The following TRANK1 variants were observed in gnomAD, a reference collection of about 807,000 sequenced individuals.
TRANK1 encodes TPR and ankyrin repeat-containing protein 1.
A neutral mutation model predicts 266.0 loss-of-function variants in TRANK1; 198 were observed. The observed-to-expected ratio is 0.74, with a 90% confidence interval of 0.66 to 0.84. The LOEUF is 0.84. TRANK1 is among the 40% of genes least tolerant of loss of function. The pLI is 0.00. For synonymous variants in TRANK1, 1,396 were observed against 1,384.1 expected, an observed-to-expected ratio of 1.01 and a Z score of -0.19; for missense variants, 3,326 against 3,634.6, an observed-to-expected ratio of 0.92 and a Z score of 2.18.
chr3:36,913,350 T>C (rs1475767280), intron 1 of TRANK1, among the ~76,000 whole-genome samples: 1 of 151,820 alleles, frequency 6.6e-6, no homozygotes, highest in Admixed American at 6.6e-5. Flanking sequence ...ATGACCGTCC[T>C]TTTCCTTCTA....
chr3:36,944,093 C>T (rs955324531), intron 1 of TRANK1, among the ~76,000 whole-genome samples: 1 of 152,110 alleles, frequency 6.6e-6, no homozygotes, highest in Admixed American at 6.5e-5. Flanking sequence ...CAACGCGCCT[C>T]CCAGGCAACA....
chr3:36,892,852 CATATATATATATATATATAGAT>C (rs1222130088), intron 6 of TRANK1, 27 bp downstream of exon 6: 2 of 582,060 alleles, frequency 3.4e-6, no homozygotes, highest in South Asian at 1.3e-4. Flanking sequence ...CAAAACAAAA[CATATATATATATATATATAGAT>C]ATATATAGAT....
At position 36,857,214 on chromosome 3, in the gene TRANK1, G is replaced by T; in HGVS notation, c.2508C>A (p.Ile836=). Residue 836 remains isoleucine, a synonymous_variant, in exon 13 of 24, where the codon ATC becomes ATA. Coordinates refer to ENST00000645898, the MANE Select transcript of TRANK1 (RefSeq NM_001329998.2). The surrounding 1 kb of genome is among the most constrained non-coding windows in gnomAD (Gnocchi z 4.3). ...TCTTCAGCATTTCTGAAGTGCACTC[G>T]ATCTCCCAGGTCATGTTATCGAAGT... ...LQDFDNMTWE[I]ECTSEMLKKL... 1.2e-6 allele frequency: 2 copies of T among 1,613,808 alleles called. No homozygotes were observed. Among genetic ancestry groups the T allele is most frequent in the Non-Finnish European group, 1.7e-6 (2 of 1,179,838 alleles).
chr3:36,930,219 G>C (rs2080342804), intron 1 of TRANK1, among the ~76,000 whole-genome samples: 1 of 152,160 alleles, frequency 6.6e-6, no homozygotes, highest in Non-Finnish European at 1.5e-5. Context: ...GCCCATCACT[G>C]CAGGCCTTGA....
rs1291292985 is a variant in TRANK1 at position 36,827,806 on chromosome 3, C to T, written c.*469G>A. On this transcript the variant is annotated 3_prime_UTR_variant, in exon 24 of 24. Coordinates refer to ENST00000645898, the MANE Select transcript of TRANK1 (RefSeq NM_001329998.2). ...CAGTGGCAGGGCCCACCCCTGGGCACATACAGCTCTCATAGCACACTTGAT... is the reference window on the plus strand; with the variant it reads ...CAGTGGCAGGGCCCACCCCTGGGCATATACAGCTCTCATAGCACACTTGAT... 1 of 154,708 alleles carries T rather than the reference C, an allele frequency of 6.5e-6. No individual in the cohort carries two copies. Among genetic ancestry groups the T allele is most frequent in the African/African-American group, 2.4e-5 (1 of 41,468 alleles). The allele number at this position is 154,708 out of a possible 1,614,324, so 9.6% of individuals were successfully genotyped here.
chr3:36,863,272 A>G (rs1000402517), intron 10 of TRANK1, among the ~76,000 whole-genome samples: 25 of 152,240 alleles, frequency 1.6e-4, no homozygotes, highest in South Asian at 4.1e-4. Flanking sequence ...CAGCATTCCC[A>G]TCGAATGGGC....
At chr3:36,850,158 C>A (rs1316162225) in intron 15 of TRANK1, 44 of 985,328 alleles carry the variant, frequency 4.5e-5, no homozygotes, top group Non-Finnish European at 5.3e-5. Context: ...TCTTACCCTT[C>A]CTCTTTTAGG....
chr3:36,867,980 T>A (rs912500652), intron 9 of TRANK1, among the ~76,000 whole-genome samples: 2 of 152,210 alleles, frequency 1.3e-5, no homozygotes, highest in Non-Finnish European at 2.9e-5. Context: ...ATAGGTGAAC[T>A]CACATGTCTC....
At chr3:36,896,459 T>A (rs1335972178) in intron 4 of TRANK1, among the ~76,000 whole-genome samples, 1 of 152,156 alleles carries the variant, frequency 6.6e-6, no homozygotes, top group Non-Finnish European at 1.5e-5. Flanking sequence ...TGACACAAAG[T>A]TTCCCATAAA....
At position 36,899,126 on chromosome 3, in the gene TRANK1, A is replaced by C. The variant is rs1168280281; in HGVS notation, c.416T>G (p.Val139Gly). 5.9e-6 allele frequency: 9 copies of C among 1,537,036 alleles called. No individual in the cohort carries two copies. In the Admixed American group the frequency reaches 7.8e-5, roughly 13 times the overall value. Residue 139 changes from valine to glycine, a missense_variant, in exon 4 of 24, where the codon GTC becomes GGC. Physicochemically the swap from Val to Gly is moderately radical, Grantham distance 109 (BLOSUM62 -3). Coordinates refer to ENST00000645898, the MANE Select transcript of TRANK1 (RefSeq NM_001329998.2). ...QAPVADFLVG[V>G]FTTMSSDSIV... is the part of the protein sequence containing the mutation. ...CAACTTACTGCTCATAGTGGTGAAG[A>C]CTCCAACAAGGAAATCAGCAACCGG...
chr3:36,832,994 C>T lies in TRANK1; in HGVS notation c.6589G>A (p.Val2197Ile), dbSNP rs771905514. 2 of 1,611,740 alleles carry T rather than the reference C, an allele frequency of 1.2e-6. No homozygotes were observed. Among genetic ancestry groups the T allele is most frequent in the Non-Finnish European group, 1.7e-6 (2 of 1,178,744 alleles). Reference sequence around the variant, plus strand: ...TTTTCATCCTCACATTTTAAGCCTACAATAAACCTCATGCAGACTCCTCGG... The same window carrying T: ...TTTTCATCCTCACATTTTAAGCCTATAATAAACCTCATGCAGACTCCTCGG... ...TYRGVCMRFI[V>I]GLKCEDENCE... The change falls in exon 22 of 24, where the codon GTA (valine) becomes ATA (isoleucine). Residue 2197 changes from valine to isoleucine, a missense_variant. Physicochemically the swap from Val to Ile is conservative, Grantham distance 29. Coordinates refer to ENST00000645898, the MANE Select transcript of TRANK1 (RefSeq NM_001329998.2).
chr3:36,922,889 T>C (rs766924551), intron 1 of TRANK1, among the ~76,000 whole-genome samples: 54 of 151,814 alleles, frequency 3.6e-4, no homozygotes, highest in Non-Finnish European at 6.3e-4. Flanking sequence ...ATCTGTGGAG[T>C]CCTAATTAGG....
intron 1 of TRANK1, among the ~76,000 whole-genome samples, chr3:36,916,104 A>G (rs942457480): frequency 4.1e-4 from 62 of 152,376 alleles, no homozygotes; most frequent in African/African-American, 1.4e-3. Context: ...TACAGAAGGC[A>G]CTAGCCACAA....
chr3:36,880,008 ATGTAAACATG>A (rs2079496578), intron 8 of TRANK1, among the ~76,000 whole-genome samples: 3 of 39,736 alleles, frequency 7.5e-5, no homozygotes, highest in Non-Finnish European at 1.3e-4. Context: ...ATGCAAATAT[ATGTAAACATG>A]CAAATATATG....
intron 1 of TRANK1, among the ~76,000 whole-genome samples, chr3:36,914,984 C>A (rs902494240): frequency 4.8e-5 from 7 of 144,964 alleles, no homozygotes; most frequent in Admixed American, 4.8e-4. Flanking sequence ...AGAGTCTCAT[C>A]TCTGTCACCC....
intron 11 of TRANK1, among the ~76,000 whole-genome samples, chr3:36,860,620 C>G (rs751218497): frequency 1.3e-5 from 2 of 152,092 alleles, no homozygotes; most frequent in Non-Finnish European, 2.9e-5. Context: ...AGCCAAGGAC[C>G]CTTCACACAC....
intron 13 of TRANK1, among the ~76,000 whole-genome samples, chr3:36,852,909 G>T (rs1174542372): frequency 6.6e-6 from 1 of 151,850 alleles, no homozygotes; most frequent in Non-Finnish European, 1.5e-5. Context: ...ATATTACCAT[G>T]GTAAAAACAG....
chr3:36,927,374 A>T (rs971226959), intron 1 of TRANK1, among the ~76,000 whole-genome samples: 2 of 152,240 alleles, frequency 1.3e-5, no homozygotes, highest in East Asian at 3.8e-4. Context: ...ACAACAGATA[A>T]GTTGTAAGTC....
In TRANK1 at chr3:36,892,270, A is replaced by G. The variant is rs1405670302; in HGVS notation, c.707T>C (p.Ile236Thr). ...VPKLVQWLISIGASVETIGPY... is the reference protein window; with the variant it reads ...VPKLVQWLISTGASVETIGPY... The stretch of plus-strand genomic sequence containing the variant: ...TCCTATAGTCTCAACACTTGCACCA[A>G]TGGAGATGAGCCACTGGACTAACTT... The change falls in exon 7 of 24, where the codon ATT becomes ACT. Residue 236 changes from isoleucine to threonine, a missense_variant. Ile to Thr is a moderately conservative substitution (Grantham distance 89). Coordinates refer to ENST00000645898, the MANE Select transcript of TRANK1 (RefSeq NM_001329998.2). 11 of 1,537,060 alleles carry G rather than the reference A, an allele frequency of 7.2e-6. No homozygotes were observed. Among genetic ancestry groups the G allele is most frequent in the African/African-American group, 4.1e-5 (3 of 73,008 alleles).
Sources: allele counts gnomAD v4.1 joint callset (sites outside exome capture counted in the v4.1 genomes callset), GRCh38; gene constraint gnomAD v4.1.1; non-coding constraint Gnocchi (gnomAD v3.1); transcripts MANE v1.5; gene names NCBI Gene and HGNC (gene_info 2026-07-23, HGNC 2026-07-21).